Variants in THSD4 observed in about 807,000 individuals in gnomAD.
THSD4 encodes the protein thrombospondin type 1 domain containing 4, also known as thrombospondin type-1 domain-containing protein 4.
A neutral mutation model predicts 119.0 loss-of-function variants in THSD4; 69 were observed. The observed-to-expected ratio is 0.58, with a 90% confidence interval of 0.48 to 0.71. The LOEUF is 0.71. THSD4 is among the 30% of genes least tolerant of loss of function. The pLI, the probability that THSD4 is intolerant of heterozygous loss-of-function variation, is 0.00. For synonymous variants in THSD4, 524 were observed against 540.4 expected (o/e 0.97, Z 0.42); for missense variants, 1,393 against 1,391.1 (o/e 1.00, Z -0.02).
At chr15:71,550,504 T>C (rs866447079) in intron 7 of THSD4, among the ~76,000 whole-genome samples, 1 of 152,194 alleles carries the variant, frequency 6.6e-6, no homozygotes, top group African/African-American at 2.4e-5. Context: ...TGGCACAATC[T>C]CGGCTCACTG....
intron 6 of THSD4, among the ~76,000 whole-genome samples, chr15:71,258,459 G>A (rs933280581): frequency 7.2e-5 from 11 of 152,086 alleles, no homozygotes; most frequent in African/African-American, 1.7e-4. Flanking sequence ...GATTACAGAC[G>A]TGAGCCACCG....
chr15:71,385,482 T>C (rs565495809), intron 6 of THSD4, among the ~76,000 whole-genome samples: 59 of 152,328 alleles, frequency 3.9e-4, no homozygotes, highest in African/African-American at 1.3e-3. Context: ...ACTTTGGGGC[T>C]GCCACATGAC....
chr15:71,670,254 C>T (rs890579861), intron 8 of THSD4, among the ~76,000 whole-genome samples: 8 of 151,752 alleles, frequency 5.3e-5, no homozygotes, highest in African/African-American at 1.5e-4. Context: ...TGACAGGCCC[C>T]GGTGTGTGAT....
In THSD4 at chr15:71,379,481, T is replaced by C. The variant is rs1285226220; in HGVS notation, c.1016-32206T>C. On this transcript the variant is annotated intron_variant, in intron 6 of 17. Coordinates refer to ENST00000261862, the MANE Select transcript of THSD4 (RefSeq NM_024817.3). Reference sequence around the variant, plus strand: ...TTTTTTTTTTTTTTTTTTTTTGAGATGGAGTCTTGCTCTATCGCCCAGGCT... The same window carrying C: ...TTTTTTTTTTTTTTTTTTTTTGAGACGGAGTCTTGCTCTATCGCCCAGGCT... Among the ~76,000 whole-genome samples the C allele has an allele frequency of 1.2e-4, 14 of 117,278 alleles. No homozygotes were observed. In the Admixed American group the frequency reaches 1.3e-3, roughly 11 times the overall value. The allele number at this position is 117,278 out of a possible 152,430, so 76.9% of individuals were successfully genotyped here.
intron 7 of THSD4, among the ~76,000 whole-genome samples, chr15:71,631,787 C>T (rs2050634454): frequency 6.6e-6 from 1 of 152,144 alleles, no homozygotes; most frequent in African/African-American, 2.4e-5. Flanking sequence ...CTCTAGGATA[C>T]ATGAGTCCCA....
intron 6 of THSD4, among the ~76,000 whole-genome samples, chr15:71,372,714 C>G (rs1187127758): frequency 6.6e-6 from 1 of 152,268 alleles, no homozygotes; most frequent in African/African-American, 2.4e-5. Context: ...AGTTAGGCTA[C>G]TCGGGGGTCA....
At chr15:71,691,529 T>C (rs955408671) in intron 8 of THSD4, among the ~76,000 whole-genome samples, 1 of 152,216 alleles carries the variant, frequency 6.6e-6, no homozygotes, top group African/African-American at 2.4e-5. Flanking sequence ...GTGCCATCAC[T>C]TTCTGGCTTC....
intron 3 of THSD4, among the ~76,000 whole-genome samples, chr15:71,155,965 CA>C (rs1413140748): frequency 1.3e-5 from 2 of 152,120 alleles, no homozygotes; most frequent in African/African-American, 4.8e-5. Flanking sequence ...GGAGAAGGAG[CA>C]AATGGACAGT....
intron 4 of THSD4, among the ~76,000 whole-genome samples, chr15:71,221,491 T>C (rs1463291840): frequency 2.0e-5 from 3 of 152,230 alleles, no homozygotes; most frequent in Non-Finnish European, 4.4e-5. Flanking sequence ...TTTCTTCCTC[T>C]ATGATTTTGA....
At chr15:71,142,504 T>C (rs1028899064) in intron 2 of THSD4, among the ~76,000 whole-genome samples, 1 of 152,140 alleles carries the variant, frequency 6.6e-6, no homozygotes, top group Non-Finnish European at 1.5e-5. Context: ...AAATTTACTT[T>C]ATAAGTTTAA....
chr15:71,414,913 C>G (rs2046738733), intron 7 of THSD4, among the ~76,000 whole-genome samples: 1 of 152,240 alleles, frequency 6.6e-6, no homozygotes, highest in Admixed American at 6.5e-5. Context: ...GTTGGAACCA[C>G]TGACGGCTTC....
chr15:71,590,863 G>A (rs928371112), intron 7 of THSD4, among the ~76,000 whole-genome samples: 6 of 151,694 alleles, frequency 4.0e-5, no homozygotes, highest in South Asian at 2.1e-4. Flanking sequence ...AAAATTAGCC[G>A]GGCATGGTCG....
At chr15:71,695,640 GACAGGTAAGAAGGTAGCCTGAGTCCCA>G (rs371739734) in intron 8 of THSD4, among the ~76,000 whole-genome samples, 20 of 152,198 alleles carry the variant, frequency 1.3e-4, no homozygotes, top group African/African-American at 4.6e-4. Context: ...CCACTACAGA[GACAGGTAAGAAGGTAGCCTGAGTCCCA>G]ACCAACCCAG....
intron 6 of THSD4, among the ~76,000 whole-genome samples, chr15:71,365,712 G>A (rs183281425): frequency 2.6e-5 from 4 of 152,106 alleles, no homozygotes; most frequent in African/African-American, 9.7e-5. Flanking sequence ...AAACTCATGG[G>A]ATGTAGCTAC....
intron 6 of THSD4, among the ~76,000 whole-genome samples, chr15:71,410,608 G>T (rs2046673735): frequency 6.6e-6 from 1 of 152,158 alleles, no homozygotes; most frequent in Admixed American, 6.5e-5. Context: ...CCCTTGCTTA[G>T]GACTTTGAAC....
chr15:71,168,062 A>C (rs2043311818), intron 3 of THSD4, among the ~76,000 whole-genome samples: 1 of 152,254 alleles, frequency 6.6e-6, no homozygotes, highest in Admixed American at 6.5e-5. Flanking sequence ...CAATATGAAC[A>C]GTATCACAAA....
At chr15:71,235,583 CT>C (rs1555457033) in intron 4 of THSD4, among the ~76,000 whole-genome samples, 9,173 of 127,182 alleles carry the variant, frequency 0.072, 190 homozygotes, top group Middle Eastern at 0.12. Flanking sequence ...CCACCTCTCT[CT>C]TTTTTTTTTT....
At chr15:71,766,281 C>G (rs917309209) in intron 16 of THSD4, among the ~76,000 whole-genome samples, 4 of 151,978 alleles carry the variant, frequency 2.6e-5, no homozygotes, top group African/African-American at 9.7e-5. Context: ...CAGAAAACCT[C>G]CTGAGGGCCC....
At chr15:71,135,463 A>G (rs1049794731) in intron 1 of THSD4, among the ~76,000 whole-genome samples, 2 of 150,500 alleles carry the variant, frequency 1.3e-5, no homozygotes, top group Admixed American at 6.6e-5. Context: ...TCTAGTATCT[A>G]TTAAGGGAGA....
Sources: allele counts gnomAD v4.1 joint callset (sites outside exome capture counted in the v4.1 genomes callset), GRCh38; gene constraint gnomAD v4.1.1; transcripts MANE v1.5; gene names NCBI Gene and HGNC (gene_info 2026-07-23, HGNC 2026-07-21).